PFKFB4: variants seen among roughly 807,000 people sequenced by gnomAD.
PFKFB4 encodes the protein 6-phosphofructo-2-kinase/fructose-2,6-bisphosphatase 4.
In PFKFB4, 42 loss-of-function variants were observed where a neutral mutation model predicts 62.8. That is an observed-to-expected ratio of 0.67 (90% CI 0.52 to 0.86). The LOEUF is 0.86. Ranked by LOEUF, PFKFB4 falls within the 40% of genes least tolerant of loss-of-function variation. The pLI, the probability that PFKFB4 is intolerant of heterozygous loss-of-function variation, is 0.00. For synonymous variants in PFKFB4, 204 were observed against 240.7 expected, an observed-to-expected ratio of 0.85 and a Z score of 1.41; for missense variants, 475 against 627.2, an observed-to-expected ratio of 0.76 and a Z score of 2.59.
At chr3:48,537,830 T>G (rs2042673189) in intron 7 of PFKFB4, among the ~76,000 whole-genome samples, 1 of 152,280 alleles carries the variant, frequency 6.6e-6, no homozygotes, top group Non-Finnish European at 1.5e-5. Context: ...CGGCCCGTAT[T>G]ACACAATCTT....
chr3:48,523,987 G>A (rs1031291093), intron 10 of PFKFB4, among the ~76,000 whole-genome samples, 157 bp from the exon 11 acceptor site: 3 of 152,164 alleles, frequency 2.0e-5, no homozygotes, highest in African/African-American at 7.2e-5. Flanking sequence ...GGCCATGGGG[G>A]TGGGCAGCTG....
Position 48,531,991 on chromosome 3 carries a change from C to T in PFKFB4, c.987+3521G>A, listed in dbSNP as rs551409696. On this transcript the variant is annotated intron_variant, in intron 9 of 13. Coordinates refer to ENST00000232375, the MANE Select transcript of PFKFB4 (RefSeq NM_004567.4). ...AAAATGATGCAGCTGCTATGGGAAA[C>T]AGTACAGCAGTTCCTCAAAAAAATA... Among the ~76,000 whole-genome samples the T allele has an allele frequency of 2.0e-4, 31 of 152,258 alleles. No homozygotes were observed. The East Asian group carries it at 4.8e-3, about 24-fold the overall frequency.
intron 10 of PFKFB4, among the ~76,000 whole-genome samples, chr3:48,524,914 G>T (rs1346859780): frequency 6.6e-6 from 1 of 152,192 alleles, no homozygotes; most frequent in Non-Finnish European, 1.5e-5. Flanking sequence ...AAGGTGACAA[G>T]TGCAGTGGCT....
At chr3:48,529,919 G>A (rs1482219051) in intron 9 of PFKFB4, among the ~76,000 whole-genome samples, 3 of 151,508 alleles carry the variant, frequency 2.0e-5, no homozygotes, top group African/African-American at 4.9e-5. Flanking sequence ...GTGCTACTGC[G>A]CTCCAGCCTG....
At chr3:48,546,743 T>C (rs1575393059) in intron 3 of PFKFB4, among the ~76,000 whole-genome samples, 1 of 152,286 alleles carries the variant, frequency 6.6e-6, no homozygotes, top group East Asian at 1.9e-4. Flanking sequence ...ACAACATGGT[T>C]TATGTTGATT....
intron 4 of PFKFB4, among the ~76,000 whole-genome samples, chr3:48,543,160 C>T (rs564027839): frequency 6.6e-6 from 1 of 152,308 alleles, no homozygotes; most frequent in South Asian, 2.1e-4. Context: ...TCTGCTCTTC[C>T]GTCTGACTAG....
chr3:48,553,930 T>C (rs10470687), intron 1 of PFKFB4, among the ~76,000 whole-genome samples: 22,457 of 152,200 alleles, frequency 0.15, 3,723 homozygotes, highest in African/African-American at 0.41. Flanking sequence ...GCAGTCCTTC[T>C]TGAGTCAGCT....
At chr3:48,540,035 C>T (rs1421502987) in intron 4 of PFKFB4, among the ~76,000 whole-genome samples, 2 of 152,176 alleles carry the variant, frequency 1.3e-5, no homozygotes, top group Non-Finnish European at 2.9e-5. Flanking sequence ...GGAGCAGACC[C>T]GTGGCACAGA....
chr3:48,531,207 T>G (rs1218806513), intron 9 of PFKFB4, among the ~76,000 whole-genome samples: 1 of 151,514 alleles, frequency 6.6e-6, no homozygotes, highest in Non-Finnish European at 1.5e-5. Flanking sequence ...CTCTAAAAAT[T>G]TTTTAAATTT....
chr3:48,531,564 G>A (rs2042427947), intron 9 of PFKFB4, among the ~76,000 whole-genome samples: 1 of 150,232 alleles, frequency 6.7e-6, no homozygotes, highest in Non-Finnish European at 1.5e-5. Flanking sequence ...CAGGTGATCT[G>A]CCCACCTTGG....
chr3:48,555,542 G>A (rs2043286396), intron 1 of PFKFB4, among the ~76,000 whole-genome samples: 1 of 152,166 alleles, frequency 6.6e-6, no homozygotes, highest in Non-Finnish European at 1.5e-5. Context: ...TGAGGTGCTG[G>A]ACAAGCTGCA....
upstream of PFKFB4, among the ~76,000 whole-genome samples, chr3:48,560,145 G>C (rs1477068261): frequency 1.3e-5 from 2 of 151,924 alleles, no homozygotes; most frequent in Admixed American, 6.6e-5. Context: ...TGCCACACAG[G>C]CCCACACACT....
chr3:48,562,135 C>CAGGCT (rs1484734211), upstream of PFKFB4: 5 of 152,830 alleles, frequency 3.3e-5, no homozygotes, highest in African/African-American at 1.2e-4. This position sits in a 1 kb window ranked among gnomAD's most constrained non-coding sequence, Gnocchi z 4.3. Context: ...CGCACATATG[C>CAGGCT]GCCCATAAGA....
rs373807131 is a variant in PFKFB4 at position 48,536,386 on chromosome 3, C to T, written c.710G>A (p.Arg237His). The change falls in exon 8 of 14, where the codon CGC becomes CAC. Residue 237 changes from arginine to histidine, a missense_variant. Arg to His is a conservative substitution (Grantham distance 29). Coordinates refer to ENST00000232375, the MANE Select transcript of PFKFB4 (RefSeq NM_004567.4). The part of the protein sequence containing the change: ...VNRVADHIQS[R>H]IVYYLMNIHV... Reference sequence around the variant, plus strand: ...GATGTTCATGAGGTAATATACGATGCGGCTCTGGATGTGGTCAGCCACACG... The same window carrying T: ...GATGTTCATGAGGTAATATACGATGTGGCTCTGGATGTGGTCAGCCACACG... 47 of 1,614,036 alleles carry T rather than the reference C, an allele frequency of 2.9e-5. No homozygotes were observed. The highest frequency in any genetic ancestry group is 4.5e-5 in the East Asian group (2 of 44,892).
At chr3:48,544,200 A>G (rs370001444) in intron 3 of PFKFB4, among the ~76,000 whole-genome samples, 1 of 151,956 alleles carries the variant, frequency 6.6e-6, no homozygotes, top group South Asian at 2.1e-4. Flanking sequence ...CAAAATAAGC[A>G]TTTTTAAAAG....
upstream of PFKFB4, chr3:48,562,091 A>T (rs916329026): frequency 6.6e-6 from 1 of 152,400 alleles, no homozygotes; most frequent in Non-Finnish European, 1.5e-5. The surrounding 1 kb of genome is among the most constrained non-coding windows in gnomAD (Gnocchi z 4.3). Flanking sequence ...CCCTGCTCAC[A>T]CACACTCACA....
intron 5 of PFKFB4, 25 bp from the exon 6 acceptor site, chr3:48,539,335 G>A (rs2042730623): frequency 2.5e-6 from 4 of 1,608,894 alleles, no homozygotes; most frequent in African/African-American, 2.7e-5. Flanking sequence ...GAAGCGCCGG[G>A]GTGGTGGGAG....
At chr3:48,562,894 A>G (rs780231872), upstream of PFKFB4, 32 of 1,604,530 alleles carry the variant, frequency 2.0e-5, no homozygotes, top group Non-Finnish European at 2.6e-5. The surrounding 1 kb of genome is among the most constrained non-coding windows in gnomAD (Gnocchi z 4.3). Flanking sequence ...CGATGGGGAC[A>G]TCCAGCGATA....
At chr3:48,532,815 G>C (rs1426484901) in intron 9 of PFKFB4, among the ~76,000 whole-genome samples, 1 of 152,126 alleles carries the variant, frequency 6.6e-6, no homozygotes, top group African/African-American at 2.4e-5. Context: ...CTGTAGCCTG[G>C]GTGACAGAGT....
Sources: gnomAD v4.1 joint callset for allele counts (sites outside exome capture counted in the v4.1 genomes callset) on GRCh38, gnomAD v4.1.1 for gene constraint, Gnocchi (gnomAD v3.1) non-coding constraint, MANE v1.5 for transcripts, NCBI Gene and HGNC (gene_info 2026-07-23, HGNC 2026-07-21) for gene names.